The following TBCK variants were observed in gnomAD, a reference collection of about 807,000 sequenced individuals.
TBCK encodes the protein TBC1 domain containing kinase, also known as TBC domain-containing protein kinase-like protein.
TBCK carries 99 observed loss-of-function variants against 113.4 expected under a neutral mutation model. The ratio of observed to expected loss-of-function variants is 0.87; its 90% CI spans 0.74 to 1.03. The LOEUF is 1.03. TBCK is among the 50% of genes least tolerant of loss of function. The pLI is 0.00. For missense variants in TBCK, 1,045 were observed against 1,061.3 expected (o/e 0.98, Z 0.21); for synonymous variants, 369 against 370.8 (o/e 1.00, Z 0.05).
At chr4:106,135,690 T>A (rs1221229838) in intron 23 of TBCK, among the ~76,000 whole-genome samples, 2 of 141,778 alleles carry the variant, frequency 1.4e-5, no homozygotes, top group Non-Finnish European at 3.2e-5. Context: ...GATAAATAGT[T>A]ACTGAATACC....
intron 23 of TBCK, among the ~76,000 whole-genome samples, chr4:106,149,939 A>G (rs1465708299): frequency 6.6e-6 from 1 of 152,234 alleles, no homozygotes; most frequent in Non-Finnish European, 1.5e-5. Context: ...GAAAGAAAAC[A>G]TAAAGCAGGG....
chr4:106,183,613 A>G (rs1004511779), intron 22 of TBCK, among the ~76,000 whole-genome samples: 2 of 152,134 alleles, frequency 1.3e-5, no homozygotes, highest in African/African-American at 4.8e-5. Context: ...GTAATCAGTG[A>G]GTAAACTTAC....
intron 1 of TBCK, among the ~76,000 whole-genome samples, chr4:106,313,772 G>A (rs117381664): frequency 6.6e-6 from 1 of 152,208 alleles, no homozygotes; most frequent in Non-Finnish European, 1.5e-5. Context: ...CAAAGAATGA[G>A]AAGATTCAGT....
chr4:106,264,951 C>T (rs932682041), intron 3 of TBCK, among the ~76,000 whole-genome samples: 6 of 151,928 alleles, frequency 3.9e-5, no homozygotes, highest in Non-Finnish European at 2.9e-5. Flanking sequence ...AGGCTAGTAT[C>T]AGTCTGTTTC....
chr4:106,194,771 G>A lies in TBCK; in HGVS notation c.1861-17C>T, dbSNP rs768038053. 8 of 1,566,530 alleles carry A rather than the reference G, an allele frequency of 5.1e-6. No homozygotes were observed. The South Asian group carries it at 9.6e-5, about 19-fold the overall frequency. On this transcript the variant is annotated splice_polypyrimidine_tract_variant and intron_variant, in intron 20 of 25. Transcript: ENST00000394708. ...GGCATAGAGCTATGAGTGGAAAAAG[G>A]GGTACAGGGAATGGATAAAAAGGAA... is the stretch of plus-strand genomic sequence containing the variant.
intron 23 of TBCK, among the ~76,000 whole-genome samples, chr4:106,120,899 C>T (rs1454601647): frequency 4.6e-5 from 7 of 152,244 alleles, no homozygotes; most frequent in South Asian, 4.1e-4. Context: ...AACTCTAAAA[C>T]GCAGAGCTCC....
chr4:106,280,401 T>C (rs1469169047), intron 3 of TBCK, among the ~76,000 whole-genome samples: 1 of 152,164 alleles, frequency 6.6e-6, no homozygotes, highest in Non-Finnish European at 1.5e-5. Flanking sequence ...TTAAATTGTT[T>C]CCTTTGCTGT....
At chr4:106,062,723 A>T (rs1736188466) in intron 25 of TBCK, among the ~76,000 whole-genome samples, 1 of 151,854 alleles carries the variant, frequency 6.6e-6, no homozygotes, top group African/African-American at 2.4e-5. Flanking sequence ...AGAATAACAC[A>T]TATTGAGACA....
intron 3 of TBCK, among the ~76,000 whole-genome samples, chr4:106,276,646 A>G (rs936002132): frequency 6.6e-6 from 1 of 151,868 alleles, no homozygotes; most frequent in Middle Eastern, 3.2e-3. Flanking sequence ...TAATCCCAGC[A>G]CTCTGGGAGG....
At chr4:106,111,257 C>A (rs747182363) in intron 24 of TBCK, among the ~76,000 whole-genome samples, 12 of 152,200 alleles carry the variant, frequency 7.9e-5, no homozygotes, top group Non-Finnish European at 1.5e-4. Flanking sequence ...CCATTTTCAT[C>A]ATTCCCCAAA....
In TBCK at chr4:106,212,836, C is replaced by G. The variant is rs758791315; in HGVS notation, c.1775-1G>C. On this transcript the variant is annotated splice_acceptor_variant, in intron 19 of 25. Transcript: ENST00000394708. LOFTEE classifies it high-confidence loss of function. ...ATCTGAGAGAAGACAGTCAGATACT[C>G]TGAAATTACAAAGTTTGAGACAATC... is the stretch of plus-strand genomic sequence containing the variant. 1 of 1,601,666 alleles carries G rather than the reference C, an allele frequency of 6.2e-7. No individual in the cohort carries two copies. Among genetic ancestry groups the G allele is most frequent in the Non-Finnish European group, 8.5e-7 (1 of 1,170,706 alleles).
chr4:106,287,072 C>G (rs1220245997), intron 3 of TBCK, among the ~76,000 whole-genome samples: 1 of 152,088 alleles, frequency 6.6e-6, no homozygotes, highest in Admixed American at 6.5e-5. Flanking sequence ...CAGAGGACTG[C>G]TCTCTTTGTG....
chr4:106,157,462 T>A (rs1014000651), intron 23 of TBCK, among the ~76,000 whole-genome samples: 2 of 152,044 alleles, frequency 1.3e-5, no homozygotes, highest in African/African-American at 4.8e-5. Context: ...TGAAGTTTAT[T>A]TAGAGCCCCA....
At chr4:106,280,055 G>A (rs566043977) in intron 3 of TBCK, among the ~76,000 whole-genome samples, 8 of 152,164 alleles carry the variant, frequency 5.3e-5, no homozygotes, top group South Asian at 2.1e-4. Context: ...CACCAATAGC[G>A]TAAAAGGGTT....
At chr4:106,116,086 C>A in intron 24 of TBCK, 117 bp downstream of exon 24, 1 of 924,420 alleles carries the variant, frequency 1.1e-6, no homozygotes, top group South Asian at 2.0e-5. Context: ...AGTAATTTAA[C>A]TACTTGAATT....
intron 25 of TBCK, among the ~76,000 whole-genome samples, chr4:106,093,212 A>C (rs909450351): frequency 1.3e-5 from 2 of 152,206 alleles, no homozygotes; most frequent in Non-Finnish European, 2.9e-5. Flanking sequence ...ATTTAGTGTC[A>C]AAAGTTAATC....
intron 20 of TBCK, among the ~76,000 whole-genome samples, chr4:106,196,794 C>A (rs1187100275): frequency 6.6e-6 from 1 of 152,012 alleles, no homozygotes; most frequent in Non-Finnish European, 1.5e-5. Context: ...TGCTATTATT[C>A]AACATCTCTT....
chr4:106,291,724 G>C (rs940604154), intron 3 of TBCK, among the ~76,000 whole-genome samples: 4 of 152,222 alleles, frequency 2.6e-5, no homozygotes, highest in African/African-American at 9.6e-5. Flanking sequence ...TATCGGTGAA[G>C]ATTTGATCCT....
chr4:106,126,241 A>C (rs1296159765), intron 23 of TBCK, among the ~76,000 whole-genome samples: 1 of 152,206 alleles, frequency 6.6e-6, no homozygotes, highest in Non-Finnish European at 1.5e-5. Context: ...CTATGTCTTC[A>C]CAGGTATCTG....
Sources: allele counts gnomAD v4.1 joint callset (sites outside exome capture counted in the v4.1 genomes callset), GRCh38; gene constraint gnomAD v4.1.1; transcripts MANE v1.5; gene names NCBI Gene and HGNC (gene_info 2026-07-23, HGNC 2026-07-21).